The following SMN2 variants were observed in gnomAD, a reference collection of about 807,000 sequenced individuals.
SMN2 encodes survival motor neuron protein.
In SMN2, 1 loss-of-function variant was observed where a neutral mutation model predicts 2.8. That is an observed-to-expected ratio of 0.35 (90% confidence interval 0.13 to 1.68). SMN2 has a LOEUF of 1.68. Among genes scored for constraint, SMN2 ranks in the 40% most tolerant of loss-of-function variants. SMN2 has a pLI of 0.35. For synonymous variants in SMN2, 5 were observed against 5.0 expected (o/e 0.99, Z 0.01); for missense variants, 12 against 16.9 (o/e 0.71, Z 0.51).
At chr5:70,088,459 A>G in the SMN2 span, among the ~76,000 whole-genome samples, 5 of 43,820 alleles carry the variant, frequency 1.1e-4, no homozygotes, top group African/African-American at 6.8e-4. Flanking sequence ...TTTTTTTGAG[A>G]CGGAGTCTTG....
rs561490407 is a variant in SMN2 at position 70,076,712 on chromosome 5, G to T, written c.*3+138G>T. The T allele has an allele frequency of 1.6e-5, 20 of 1,243,188 alleles. 4 individuals are homozygous for T. The East Asian group carries it at 4.2e-4, about 26-fold the overall frequency. 77.0% of individuals were successfully genotyped at this position (1,243,188 alleles called of 1,614,324 possible). On this transcript the variant is annotated intron_variant, in intron 8 of 8. Transcript: ENST00000380743. ...TTAATGTAAAACAATCAATATTAAA[G>T]AATTTTGATGCCAAAACTATTAGAT...
chr5:70,073,115 ACT>A (rs1774662677), intron 7 of SMN2, among the ~76,000 whole-genome samples: 2 of 44,758 alleles, frequency 4.5e-5, no homozygotes, highest in Admixed American at 2.7e-4. Context: ...ACAGAGCGAG[ACT>A]CTGTCTCAAA....
intron 7 of SMN2, among the ~76,000 whole-genome samples, chr5:70,075,576 G>A (rs1159406415): frequency 8.3e-6 from 1 of 120,836 alleles, no homozygotes; most frequent in African/African-American, 3.3e-5. Context: ...CTCCAAATCC[G>A]ACCTCAGGTG....
rs564142907 is a variant in SMN2, at chr5:70,075,972, A to G, written c.835-549A>G. Among the ~76,000 whole-genome samples, 234 of 123,162 alleles carry G rather than the reference A, an allele frequency of 1.9e-3. 4 individuals carry two copies. The highest frequency in any genetic ancestry group is 7.7e-3 in the African/African-American group (200 of 25,918). The allele number at this position is 123,162 out of a possible 152,430, so 80.8% of individuals were successfully genotyped here. On this transcript the variant is annotated intron_variant, in intron 7 of 8. Coordinates refer to ENST00000380743, the MANE Select transcript of SMN2 (RefSeq NM_017411.4). Reference sequence around the variant, plus strand: ...GGGTTCAAGTGATTCTCCTGCCTCAACCTCCCAAGTAGCTGGGATTAGAGG... The same window carrying G: ...GGGTTCAAGTGATTCTCCTGCCTCAGCCTCCCAAGTAGCTGGGATTAGAGG...
intron 6 of SMN2, among the ~76,000 whole-genome samples, chr5:70,070,126 C>T (rs564642099): frequency 3.9e-5 from 5 of 129,314 alleles, no homozygotes; most frequent in African/African-American, 6.8e-5. Flanking sequence ...TACTTAAAAT[C>T]GCCCTCGAAA....
chr5:70,083,556 C>T, the SMN2 span, among the ~76,000 whole-genome samples: 5,944 of 135,144 alleles, frequency 0.044, 1,622 homozygotes, highest in African/African-American at 0.19. Flanking sequence ...CCAACCCAAA[C>T]GTCCAACAAT....
chr5:70,079,445 A>AC (rs1281343324), downstream of SMN2, among the ~76,000 whole-genome samples: 6 of 149,800 alleles, frequency 4.0e-5, no homozygotes, highest in Non-Finnish European at 5.9e-5. Flanking sequence ...AAAAAAAAAA[A>AC]AAAAAACACG....
the SMN2 span, among the ~76,000 whole-genome samples, chr5:70,084,638 GATT>G: frequency 5.1e-5 from 7 of 137,260 alleles, no homozygotes; most frequent in Non-Finnish European, 1.1e-4. Flanking sequence ...AGTTAAAAAT[GATT>G]ATCTCATATT....
the SMN2 span, among the ~76,000 whole-genome samples, chr5:70,083,588 A>G: frequency 5.8e-5 from 8 of 136,894 alleles, 2 homozygotes; most frequent in Admixed American, 4.4e-4. Context: ...TTAAGAAAAT[A>G]TGGCACATAT....
rs1437564657 is a variant in SMN2, at chr5:70,070,251, A to C, written c.724-390A>C. ...TAGCTTCATAGTGGAACAGATACATAGTCTAAATCAAAATGTTTAAACTTT... is the reference window on the plus strand; with the variant it reads ...TAGCTTCATAGTGGAACAGATACATCGTCTAAATCAAAATGTTTAAACTTT... On this transcript the variant is annotated intron_variant, in intron 6 of 8. Transcript: ENST00000380743. Among the ~76,000 whole-genome samples the C allele has an allele frequency of 4.8e-4, 44 of 91,596 alleles. 2 individuals carry two copies. The highest frequency in any genetic ancestry group is 2.2e-3 in the African/African-American group (43 of 19,300). 60.1% of individuals were successfully genotyped at this position (91,596 alleles called of 152,430 possible).
At position 70,075,634 on chromosome 5, in the gene SMN2, A is replaced by G. The variant is rs1373961874; in HGVS notation, c.835-887A>G. Among the ~76,000 whole-genome samples the G allele has an allele frequency of 3.3e-5, 4 of 119,852 alleles. 1 individual carries two copies. 78.6% of individuals were successfully genotyped at this position (119,852 alleles called of 152,430 possible). A position where few individuals can be genotyped will look rare whatever the true frequency, so the allele number is the denominator to read the frequency against. On this transcript the variant is annotated intron_variant, in intron 7 of 8. Coordinates refer to ENST00000380743, the MANE Select transcript of SMN2 (RefSeq NM_017411.4). ...AAGTGCAAGGCAAGGCATTACAGGCATGAGCCACTGTGACCGGCAATGTTT... is the reference window on the plus strand; with the variant it reads ...AAGTGCAAGGCAAGGCATTACAGGCGTGAGCCACTGTGACCGGCAATGTTT...
chr5:70,052,916 G>A lies in SMN2; in HGVS notation c.81+3150G>A, dbSNP rs1262802497. ...AAAAAAAAAAAGTGGGAGGATCAATGTACTGCCAGTCCTAATGAAGTGGAA... is the reference window on the plus strand; with the variant it reads ...AAAAAAAAAAAGTGGGAGGATCAATATACTGCCAGTCCTAATGAAGTGGAA... On this transcript the variant is annotated intron_variant, in intron 1 of 8. Coordinates refer to ENST00000380743, the MANE Select transcript of SMN2 (RefSeq NM_017411.4). Among the ~76,000 whole-genome samples, 3 of 125,222 alleles carry A rather than the reference G, an allele frequency of 2.4e-5. 1 individual carries two copies. The highest frequency in any genetic ancestry group is 5.3e-5 in the Non-Finnish European group (3 of 56,558). The allele number at this position is 125,222 out of a possible 152,430, so 82.2% of individuals were successfully genotyped here.
chr5:70,076,398 G>T, intron 7 of SMN2, 123 bp from the exon 8 acceptor site: 1 of 502,672 alleles, frequency 2.0e-6, no homozygotes, highest in Non-Finnish European at 3.5e-6. Context: ...ATATTTTGTT[G>T]AATAAAATAA....
chr5:70,071,236 G>GCCGT, intron 7 of SMN2: 1 of 239,990 alleles, frequency 4.2e-6, no homozygotes, highest in Admixed American at 5.6e-5. Flanking sequence ...GGGACTACAG[G>GCCGT]TGCCTGCCAC....
the SMN2 span, among the ~76,000 whole-genome samples, chr5:70,084,527 A>T: frequency 7.3e-6 from 1 of 137,482 alleles, no homozygotes. Flanking sequence ...AATTGTTTTC[A>T]GTAGAGGTTA....
intron 7 of SMN2, chr5:70,071,088 CTTTTTTTTTT>C (rs1164147978): frequency 1.7e-3 from 87 of 52,084 alleles, no homozygotes; most frequent in African/African-American, 9.6e-3. Context: ...AAATGAAATT[CTTTTTTTTTT>C]TTTTTTTTTT....
the SMN2 span, among the ~76,000 whole-genome samples, chr5:70,085,557 AAT>A: frequency 1.5e-5 from 1 of 68,302 alleles, no homozygotes; most frequent in Non-Finnish European, 2.6e-5. Context: ...TTTATTAAAT[AAT>A]GTGTCTTTAA....
the SMN2 span, among the ~76,000 whole-genome samples, chr5:70,084,185 ATTG>A: frequency 3.0e-5 from 2 of 66,668 alleles, no homozygotes; most frequent in Non-Finnish European, 5.3e-5. Context: ...TTGCATTTAA[ATTG>A]TTTTTTTTTT....
the SMN2 span, among the ~76,000 whole-genome samples, chr5:70,085,263 A>G: frequency 8.1e-6 from 1 of 123,382 alleles, no homozygotes; most frequent in Non-Finnish European, 1.6e-5. Context: ...ATTTTTTGAG[A>G]TGGAGTCTCA....
Sources: allele counts gnomAD v4.1 joint callset (sites outside exome capture counted in the v4.1 genomes callset), GRCh38; gene constraint gnomAD v4.1.1; transcripts MANE v1.5; gene names NCBI Gene and HGNC (gene_info 2026-07-23, HGNC 2026-07-21).